Variants in PTH2R observed in about 807,000 individuals in gnomAD.
PTH2R encodes the protein PTH2 receptor.
PTH2R carries 59 observed loss-of-function variants against 60.3 expected under a neutral mutation model. That is an observed-to-expected ratio of 0.98 (90% CI 0.79 to 1.22). PTH2R has a LOEUF of 1.22. PTH2R is among the 50% of genes most tolerant of loss of function. The pLI is 0.00. For synonymous variants in PTH2R, 256 were observed against 243.8 expected, an observed-to-expected ratio of 1.05 and a Z score of -0.47; for missense variants, 749 against 682.6, an observed-to-expected ratio of 1.10 and a Z score of -1.08.
intron 1 of PTH2R, among the ~76,000 whole-genome samples, chr2:208,365,964 T>A (rs865831344): frequency 0.02 from 352 of 17,400 alleles, 1 homozygote; most frequent in Middle Eastern, 0.036. Context: ...ATATATATTT[T>A]TTTTTTTTTT....
chr2:208,453,569 C>T (rs1001480988), intron 8 of PTH2R, among the ~76,000 whole-genome samples: 20 of 152,172 alleles, frequency 1.3e-4, no homozygotes, highest in African/African-American at 4.8e-4. Flanking sequence ...CCCTGTTTTA[C>T]AGTAGATAAC....
chr2:208,429,444 A>G (rs1406073188), intron 2 of PTH2R, among the ~76,000 whole-genome samples: 1 of 152,092 alleles, frequency 6.6e-6, no homozygotes, highest in Non-Finnish European at 1.5e-5. Context: ...GGTGAATTAA[A>G]CCTTTTGTAG....
intron 9 of PTH2R, among the ~76,000 whole-genome samples, chr2:208,465,559 T>C (rs1220885083): frequency 2.0e-5 from 3 of 151,718 alleles, no homozygotes; most frequent in Non-Finnish European, 4.4e-5. Context: ...CGTGCCACCA[T>C]GCCCAGCTAA....
At chr2:208,399,227 G>C (rs369342811) in intron 1 of PTH2R, among the ~76,000 whole-genome samples, 1 of 152,082 alleles carries the variant, frequency 6.6e-6, no homozygotes, top group Non-Finnish European at 1.5e-5. Flanking sequence ...TACTTAGTGA[G>C]TTTACTGGAA....
intron 1 of PTH2R, among the ~76,000 whole-genome samples, chr2:208,363,627 C>A (rs1700523145): frequency 6.6e-6 from 1 of 152,208 alleles, no homozygotes; most frequent in Admixed American, 6.5e-5. Context: ...AACTTACATT[C>A]CCACCAGCAG....
At chr2:208,419,090 C>T (rs984991880) in intron 1 of PTH2R, among the ~76,000 whole-genome samples, 5 of 152,174 alleles carry the variant, frequency 3.3e-5, no homozygotes, top group Non-Finnish European at 7.4e-5. Flanking sequence ...CCTGAGCAAT[C>T]GCCATACCAA....
chr2:208,416,726 T>C (rs1162098450), intron 1 of PTH2R, among the ~76,000 whole-genome samples: 1 of 152,116 alleles, frequency 6.6e-6, no homozygotes, highest in East Asian at 1.9e-4. Flanking sequence ...TTAAGCTGGG[T>C]GGTCACAATC....
chr2:208,493,283 A>C lies in PTH2R; in HGVS notation c.1277A>C (p.Lys426Thr). 6.6e-7 allele frequency: 1 copy of C among 1,513,372 alleles called. No individual in the cohort carries two copies. The allele number at this position is 1,513,372 out of a possible 1,614,324, so 93.7% of individuals were successfully genotyped here. A position where few individuals can be genotyped will look rare whatever the true frequency, so the allele number is the denominator to read the frequency against. Residue 426 changes from lysine to threonine, a missense_variant, in exon 13 of 13, where the codon AAG (lysine) becomes ACG (threonine). By Grantham distance (78) the Lys-to-Thr change is moderately conservative. Transcript: ENST00000272847. ...CNGEVQAEVK[K>T]MWSRWNLSVD... ...GCTTAGGTTCAGGCAGAGGTGAAGA[A>C]GATGTGGAGTCGGTGGAACCTCTCC...
At chr2:208,452,386 A>G (rs1702423542) in intron 8 of PTH2R, among the ~76,000 whole-genome samples, 1 of 152,244 alleles carries the variant, frequency 6.6e-6, no homozygotes, top group Non-Finnish European at 1.5e-5. Flanking sequence ...GGCTTCATTA[A>G]TTTGTATTCA....
intron 1 of PTH2R, among the ~76,000 whole-genome samples, chr2:208,384,064 G>C (rs141371052): frequency 6.6e-6 from 1 of 152,334 alleles, no homozygotes. Context: ...TGGAAGAGAA[G>C]ATGTCCATGT....
At chr2:208,477,764 CTTTGT>C (rs144588355) in intron 9 of PTH2R, among the ~76,000 whole-genome samples, 4,712 of 151,542 alleles carry the variant, frequency 0.031, 101 homozygotes, top group Non-Finnish European at 0.044. Flanking sequence ...AATTTCTTTG[CTTTGT>C]TTTGTCTGTA....
intron 7 of PTH2R, among the ~76,000 whole-genome samples, chr2:208,447,762 G>T (rs1015053993): frequency 1.3e-5 from 2 of 151,924 alleles, no homozygotes; most frequent in Non-Finnish European, 2.9e-5. Context: ...AAAACAAGAT[G>T]CATAGAGAAT....
intron 10 of PTH2R, among the ~76,000 whole-genome samples, chr2:208,486,542 G>C (rs1296680252): frequency 6.6e-6 from 1 of 152,138 alleles, no homozygotes; most frequent in African/African-American, 2.4e-5. Flanking sequence ...TTTTGAGAAC[G>C]GTCTCTGGGA....
rs117173258 is a variant in PTH2R, at chr2:208,455,931, T to C, written c.915-3964T>C. Reference sequence around the variant, plus strand: ...ATATACAAAAGAAGTCTCTTTCAGATTTAAAATTCTATTAGGTGTTATTTG... The same window carrying C: ...ATATACAAAAGAAGTCTCTTTCAGACTTAAAATTCTATTAGGTGTTATTTG... On this transcript the variant is annotated intron_variant, in intron 8 of 12. Coordinates refer to ENST00000272847, the MANE Select transcript of PTH2R (RefSeq NM_005048.4). Among the ~76,000 whole-genome samples the C allele has an allele frequency of 3.8e-3, 571 of 152,226 alleles. 21 individuals carry two copies. In the East Asian group the frequency reaches 0.095, roughly 25 times the overall value.
intron 1 of PTH2R, among the ~76,000 whole-genome samples, chr2:208,386,243 C>T (rs954145735): frequency 4.6e-5 from 7 of 152,078 alleles, no homozygotes; most frequent in Admixed American, 6.6e-5. Context: ...CTCATTGATA[C>T]GTGTATACAT....
chr2:208,383,821 A>G (rs757913419), intron 1 of PTH2R, among the ~76,000 whole-genome samples: 27 of 152,184 alleles, frequency 1.8e-4, no homozygotes, highest in Non-Finnish European at 2.6e-4. Flanking sequence ...GCAAAACCAC[A>G]GTGAGCATCA....
At chr2:208,492,527 C>T (rs1437064680) in intron 12 of PTH2R, among the ~76,000 whole-genome samples, 2 of 152,034 alleles carry the variant, frequency 1.3e-5, no homozygotes, top group Admixed American at 1.3e-4. Context: ...AGCAATCAGG[C>T]AGTTATTTAA....
intron 1 of PTH2R, among the ~76,000 whole-genome samples, chr2:208,369,687 T>C (rs1012499847): frequency 6.6e-6 from 1 of 152,000 alleles, no homozygotes; most frequent in African/African-American, 2.4e-5. Flanking sequence ...CAATAAGATA[T>C]ATAAAAGGTT....
intron 1 of PTH2R, among the ~76,000 whole-genome samples, chr2:208,407,560 T>C (rs1701443029): frequency 6.6e-6 from 1 of 152,262 alleles, no homozygotes; most frequent in Non-Finnish European, 1.5e-5. Context: ...TCTGAAAGAA[T>C]AATTGGCTGT....
Sources: gnomAD v4.1 joint callset for allele counts (sites outside exome capture counted in the v4.1 genomes callset) on GRCh38, gnomAD v4.1.1 for gene constraint, MANE v1.5 for transcripts, NCBI Gene and HGNC (gene_info 2026-07-23, HGNC 2026-07-21) for gene names.